SORBS2: variants seen among roughly 807,000 people sequenced by gnomAD.
SORBS2 encodes the protein sorbin and SH3 domain-containing protein 2.
A neutral mutation model predicts 97.7 loss-of-function variants in SORBS2; 46 were observed. The observed-to-expected ratio is 0.47, with a 90% CI of 0.37 to 0.60. The LOEUF (loss-of-function observed/expected upper bound fraction) is 0.60, where lower values mean the gene tolerates loss of function less well. Ranked by LOEUF, SORBS2 falls within the 20% of genes least tolerant of loss-of-function variation. The pLI is 0.00. For missense variants in SORBS2, 1,316 were observed against 1,282.3 expected (o/e 1.03, Z -0.40); for synonymous variants, 476 against 473.4 (o/e 1.01, Z -0.07).
At chr4:185,686,134 A>G (rs1217037330) in intron 2 of SORBS2, among the ~76,000 whole-genome samples, 1 of 152,202 alleles carries the variant, frequency 6.6e-6, no homozygotes, top group African/African-American at 2.4e-5. Context: ...AAAAAAGACA[A>G]TATAACCACC....
intron 2 of SORBS2, among the ~76,000 whole-genome samples, chr4:185,714,152 T>C (rs1416752338): frequency 6.6e-6 from 1 of 152,270 alleles, no homozygotes; most frequent in African/African-American, 2.4e-5. Context: ...GTTAAAATTA[T>C]GAATGATGAG....
At chr4:185,834,504 A>T (rs1231647118) in intron 1 of SORBS2, among the ~76,000 whole-genome samples, 5 of 152,224 alleles carry the variant, frequency 3.3e-5, no homozygotes, top group Admixed American at 3.3e-4. Flanking sequence ...TCATGTAGAG[A>T]AGAAAACAAT....
chr4:185,736,123 G>T (rs1213316494), intron 2 of SORBS2, among the ~76,000 whole-genome samples: 1 of 152,198 alleles, frequency 6.6e-6, no homozygotes, highest in East Asian at 1.9e-4. Context: ...CACTGCCGCA[G>T]CGCGAGGGAC....
chr4:185,662,340 G>A (rs2097534780), intron 4 of SORBS2, 98 bp from the exon 8 acceptor site: 5 of 1,191,360 alleles, frequency 4.2e-6, no homozygotes, highest in Non-Finnish European at 4.7e-6. Flanking sequence ...TCACATGAGA[G>A]TAATCAGCTG....
chr4:185,847,121 C>T (rs2099215000), intron 1 of SORBS2, among the ~76,000 whole-genome samples: 1 of 152,044 alleles, frequency 6.6e-6, no homozygotes, highest in South Asian at 2.1e-4. Flanking sequence ...TTACACTTAT[C>T]TTGTGTTTAA....
At chr4:185,655,419 C>A (rs1179771498) in intron 1 of SORBS2, among the ~76,000 whole-genome samples, 1 of 152,162 alleles carries the variant, frequency 6.6e-6, no homozygotes. Context: ...CAGAGACAGC[C>A]TGACTTGACA....
intron 2 of SORBS2, among the ~76,000 whole-genome samples, chr4:185,736,980 G>T (rs868608562): frequency 9.9e-5 from 15 of 152,184 alleles, no homozygotes; most frequent in African/African-American, 3.6e-4. Context: ...GCATGCCAAG[G>T]AAAGCACAGT....
At chr4:185,785,914 A>T (rs2153639734) in intron 1 of SORBS2, among the ~76,000 whole-genome samples, 1 of 152,284 alleles carries the variant, frequency 6.6e-6, no homozygotes, top group East Asian at 1.9e-4. Context: ...TTAAAGCATT[A>T]AGAAGAGGGG....
chr4:185,876,600 GC>G (rs1397824694), intron 1 of SORBS2, among the ~76,000 whole-genome samples: 1 of 152,216 alleles, frequency 6.6e-6, no homozygotes, highest in East Asian at 1.9e-4. Context: ...GGTTTAAGAT[GC>G]CCGCCAAGTG....
exon 7 of SORBS2, chr4:185,624,093 A>T: frequency 1.9e-6 from 3 of 1,614,060 alleles, no homozygotes; most frequent in Non-Finnish European, 2.5e-6. Context: ...TTGCGGGCTG[A>T]CCTGTGTCTG....
At chr4:185,949,936 T>C (rs2099276378) in intron 1 of SORBS2, among the ~76,000 whole-genome samples, 1 of 152,116 alleles carries the variant, frequency 6.6e-6, no homozygotes, top group Admixed American at 6.5e-5. Flanking sequence ...GAGTTTTTGC[T>C]ACAACTGGTA....
At position 185,776,771 on chromosome 4, in the gene SORBS2, G is replaced by A. The variant is rs566608667; in HGVS notation, c.-337-1405C>T. On this transcript the variant is annotated intron_variant, in intron 1 of 20. Transcript: ENST00000284776. The stretch of plus-strand genomic sequence containing the variant: ...AAAAATTAGCAGGATGTCGTGGCAC[G>A]CGCCTGTAGTCCCAGCTACTTGGGA... Among the ~76,000 whole-genome samples the A allele has an allele frequency of 3.9e-5, 6 of 151,942 alleles. No individual in the cohort carries two copies. In the East Asian group the frequency reaches 5.8e-4, roughly 15 times the overall value.
chr4:185,631,346 G>C (rs2096903146), intron 4 of SORBS2, among the ~76,000 whole-genome samples: 1 of 152,198 alleles, frequency 6.6e-6, no homozygotes, highest in Non-Finnish European at 1.5e-5. Context: ...AAGCAAAAAT[G>C]ATAATATGAA....
At chr4:185,736,840 G>C (rs893266152) in intron 2 of SORBS2, among the ~76,000 whole-genome samples, 1 of 152,192 alleles carries the variant, frequency 6.6e-6, no homozygotes, top group Non-Finnish European at 1.5e-5. Flanking sequence ...TCAGGAACCC[G>C]ATAGTCCATA....
At chr4:185,944,929 T>G (rs796352084) in intron 1 of SORBS2, among the ~76,000 whole-genome samples, 1 of 152,192 alleles carries the variant, frequency 6.6e-6, no homozygotes, top group South Asian at 2.1e-4. Flanking sequence ...GTCACTGAAT[T>G]TCTCCAATGC....
At chr4:185,933,901 C>T (rs2099267644) in intron 1 of SORBS2, among the ~76,000 whole-genome samples, 1 of 152,166 alleles carries the variant, frequency 6.6e-6, no homozygotes. Context: ...GATTACAGAG[C>T]TTAGGAACAT....
intron 11 of SORBS2, among the ~76,000 whole-genome samples, chr4:185,613,430 A>G (rs1037676053): frequency 1.3e-5 from 2 of 152,082 alleles, no homozygotes; most frequent in Non-Finnish European, 2.9e-5. Context: ...CGGGCGGATC[A>G]TGAGGTCAGG....
At chr4:185,656,661 C>A in exon 1 of SORBS2, 1 of 1,551,014 alleles carries the variant, frequency 6.4e-7, no homozygotes, top group Non-Finnish European at 8.7e-7. Flanking sequence ...TTCCTTCTCC[C>A]GGCTGGCACA....
intron 1 of SORBS2, among the ~76,000 whole-genome samples, chr4:185,881,828 G>A (rs1028194256): frequency 1.3e-5 from 2 of 152,150 alleles, no homozygotes; most frequent in Admixed American, 1.3e-4. Context: ...GGAGGTAGGG[G>A]AAGAAAAAAG....
Sources: gnomAD v4.1 joint callset for allele counts (sites outside exome capture counted in the v4.1 genomes callset) on GRCh38, gnomAD v4.1.1 for gene constraint, MANE v1.5 for transcripts, NCBI Gene and HGNC (gene_info 2026-07-23, HGNC 2026-07-21) for gene names.